The following RARB variants were observed in gnomAD, a reference collection of about 807,000 sequenced individuals.
The protein encoded by RARB is HBV-activated protein.
RARB carries 17 observed loss-of-function variants against 51.9 expected under a neutral mutation model. The ratio of observed to expected loss-of-function variants is 0.33; its 90% CI spans 0.22 to 0.49. RARB has a LOEUF of 0.49. Among genes scored for constraint, RARB ranks in the 20% least tolerant of loss-of-function variants. The pLI is 0.99. For missense variants in RARB, 369 were observed against 550.8 expected (o/e 0.67, Z 3.30); for synonymous variants, 215 against 195.4 (o/e 1.10, Z -0.84).
At chr3:25,218,312 C>T (rs1279321707) in intron 5 of RARB, among the ~76,000 whole-genome samples, 13 of 151,800 alleles carry the variant, frequency 8.6e-5, no homozygotes, top group African/African-American at 1.7e-4. Flanking sequence ...TGTGTGCGCG[C>T]GTGTGCACAC....
chr3:24,991,430 C>T (rs1040490188), intron 2 of RARB, among the ~76,000 whole-genome samples: 8 of 141,950 alleles, frequency 5.6e-5, no homozygotes, highest in African/African-American at 2.2e-4. Flanking sequence ...GCAACAAGAG[C>T]AAAACTCTGT....
intron 5 of RARB, among the ~76,000 whole-genome samples, chr3:25,283,135 T>C (rs1197644687): frequency 6.6e-6 from 1 of 152,174 alleles, no homozygotes; most frequent in Non-Finnish European, 1.5e-5. Context: ...TCCAAAGCCC[T>C]TGTTTTACTC....
At chr3:25,115,654 T>TTTTCC (rs945456327) in intron 3 of RARB, among the ~76,000 whole-genome samples, 1 of 151,768 alleles carries the variant, frequency 6.6e-6, no homozygotes, top group East Asian at 1.9e-4. Context: ...CTTTCTTTCT[T>TTTTCC]TTTCCTTTCC....
intron 3 of RARB, among the ~76,000 whole-genome samples, chr3:25,539,302 G>C (rs1559457502): frequency 1.3e-5 from 2 of 152,174 alleles, no homozygotes; most frequent in Non-Finnish European, 2.9e-5. Flanking sequence ...GGGACAATTA[G>C]AAAGTCCCCA....
upstream of RARB, among the ~76,000 whole-genome samples, chr3:25,424,327 A>G (rs1374273644): frequency 6.6e-6 from 1 of 152,200 alleles, no homozygotes; most frequent in South Asian, 2.1e-4. Context: ...CTGAAGGGCC[A>G]CAAGCAAAGT....
At chr3:25,424,091 T>C (rs934698208), upstream of RARB, among the ~76,000 whole-genome samples, 6 of 152,046 alleles carry the variant, frequency 3.9e-5, no homozygotes, top group Non-Finnish European at 7.4e-5. Context: ...TGGAGGAAAG[T>C]CTGAAAAAGC....
chr3:24,886,306 G>C (rs1271826769), intron 2 of RARB, among the ~76,000 whole-genome samples: 1 of 152,024 alleles, frequency 6.6e-6, no homozygotes, highest in Non-Finnish European at 1.5e-5. Context: ...CATTTCTTTG[G>C]AGTCCCTGAC....
chr3:25,103,000 A>C (rs2125321914), intron 3 of RARB, among the ~76,000 whole-genome samples: 1 of 152,324 alleles, frequency 6.6e-6, no homozygotes, highest in South Asian at 2.1e-4. Flanking sequence ...CAGTGAGCCG[A>C]GAGTGCGCCA....
intron 5 of RARB, among the ~76,000 whole-genome samples, chr3:25,409,507 C>G (rs538833320): frequency 6.6e-6 from 1 of 152,094 alleles, no homozygotes; most frequent in Admixed American, 6.5e-5. Flanking sequence ...GAACCTTCTC[C>G]GGTCACCTTG....
intron 5 of RARB, among the ~76,000 whole-genome samples, chr3:25,419,018 A>G (rs1297778029): frequency 1.3e-5 from 2 of 149,552 alleles, no homozygotes; most frequent in African/African-American, 2.4e-5. Context: ...AGAAATGAAG[A>G]CCCAAAGAAA....
At chr3:25,142,516 G>T (rs1700124330) in intron 4 of RARB, among the ~76,000 whole-genome samples, 1 of 151,734 alleles carries the variant, frequency 6.6e-6, no homozygotes. Flanking sequence ...ATACTTTGAG[G>T]CAAAGATATA....
intron 5 of RARB, among the ~76,000 whole-genome samples, chr3:25,315,373 T>C (rs1489489552): frequency 1.3e-5 from 2 of 152,178 alleles, no homozygotes; most frequent in Non-Finnish European, 2.9e-5. Context: ...TAAAATACTA[T>C]ACTTTTTCGA....
chr3:25,547,964 G>C (rs575684720), intron 3 of RARB, among the ~76,000 whole-genome samples: 1 of 152,124 alleles, frequency 6.6e-6, no homozygotes, highest in South Asian at 2.1e-4. Context: ...AGTAAGTAAA[G>C]AGACACATTG....
chr3:25,280,155 A>T lies in RARB; in HGVS notation c.178+105580A>T, dbSNP rs553313655. On this transcript the variant is annotated intron_variant, in intron 5 of 11. Transcript: ENST00000383772. ...AATGTTGTGCTTAGGTTTGACAAAGAGTAGGCAGTCATGGAGAAATATGAT... is the reference window on the plus strand; with the variant it reads ...AATGTTGTGCTTAGGTTTGACAAAGTGTAGGCAGTCATGGAGAAATATGAT... Among the ~76,000 whole-genome samples, 5 of 152,340 alleles carry T rather than the reference A, an allele frequency of 3.3e-5. No homozygotes were observed. The South Asian group carries it at 1.0e-3, about 32-fold the overall frequency.
chr3:25,043,005 A>G (rs893137699), intron 2 of RARB, among the ~76,000 whole-genome samples: 2 of 152,250 alleles, frequency 1.3e-5, no homozygotes, highest in African/African-American at 4.8e-5. Flanking sequence ...TGCTGAAAGC[A>G]TAAGAGCAGT....
rs150415271 is a variant in RARB, at chr3:25,526,580, G to A, written c.448+25257G>A. Among the ~76,000 whole-genome samples the A allele has an allele frequency of 9.1e-4, 138 of 152,036 alleles. 1 individual carries two copies. Among genetic ancestry groups the A allele is most frequent in the African/African-American group, 3.3e-3 (136 of 41,452 alleles). ...AATTTAAAAATAAAGAGAAGTGAAT[G>A]GATTTTGATAAATAAATTAGAGATA... On this transcript the variant is annotated intron_variant, in intron 3 of 7. Transcript: ENST00000330688.
chr3:25,157,408 T>G (rs1700396107), intron 4 of RARB, among the ~76,000 whole-genome samples: 1 of 151,202 alleles, frequency 6.6e-6, no homozygotes, highest in Non-Finnish European at 1.5e-5. Context: ...TTGTTGTTGT[T>G]TTTGTTTTTT....
chr3:24,967,635 G>A (rs1696304366), intron 2 of RARB, among the ~76,000 whole-genome samples: 1 of 152,112 alleles, frequency 6.6e-6, no homozygotes, highest in East Asian at 1.9e-4. Context: ...CTGCTCTGCA[G>A]TCGTGTAATT....
chr3:25,182,341 T>C (rs992041055), intron 5 of RARB, among the ~76,000 whole-genome samples: 2 of 152,196 alleles, frequency 1.3e-5, no homozygotes, highest in Admixed American at 1.3e-4. Context: ...CCAGCAATTA[T>C]GCCAGCCATG....
Sources: gnomAD v4.1 joint callset for allele counts (sites outside exome capture counted in the v4.1 genomes callset) on GRCh38, gnomAD v4.1.1 for gene constraint, MANE v1.5 for transcripts, NCBI Gene and HGNC (gene_info 2026-07-23, HGNC 2026-07-21) for gene names.